Variants in DPP10 observed in about 807,000 individuals in gnomAD.
DPP10 encodes the protein dipeptidyl peptidase like 10.
Under a neutral mutation model 120.9 loss-of-function variants are expected in DPP10, and 33 were observed. The observed-to-expected ratio is 0.27, with a 90% CI of 0.21 to 0.37. The LOEUF (loss-of-function observed/expected upper bound fraction) is 0.37. DPP10 is among the 10% of genes least tolerant of loss of function. The pLI, the probability that DPP10 is intolerant of heterozygous loss-of-function variation, is 1.00. For synonymous variants in DPP10, 337 were observed against 326.1 expected (o/e 1.03, Z -0.36); for missense variants, 816 against 942.8 (o/e 0.87, Z 1.76).
chr2:115,104,506 T>C (rs369160039), intron 1 of DPP10, among the ~76,000 whole-genome samples: 35 of 152,332 alleles, frequency 2.3e-4, no homozygotes, highest in African/African-American at 7.0e-4. Flanking sequence ...GCAATCTGTC[T>C]ACAGCCTCCT....
At chr2:114,675,158 C>T (rs994909107) in intron 1 of DPP10, among the ~76,000 whole-genome samples, 3 of 152,154 alleles carry the variant, frequency 2.0e-5, no homozygotes, top group African/African-American at 7.2e-5. Flanking sequence ...ATCTCTTCCT[C>T]TTGTTAACTG....
chr2:115,228,649 T>A (rs1374790240), intron 1 of DPP10, among the ~76,000 whole-genome samples: 1 of 152,160 alleles, frequency 6.6e-6, no homozygotes, highest in African/African-American at 2.4e-5. Context: ...TGCACCACAC[T>A]TATTCCACTT....
intron 7 of DPP10, 115 bp downstream of exon 7, chr2:115,690,036 C>T (rs2091226154): frequency 7.6e-6 from 7 of 926,336 alleles, no homozygotes; most frequent in Non-Finnish European, 1.1e-5. Context: ...TTTATGTTTC[C>T]CTAAGTCCTT....
chr2:114,987,677 A>T (rs1700485126), intron 1 of DPP10, among the ~76,000 whole-genome samples: 1 of 152,166 alleles, frequency 6.6e-6, no homozygotes, highest in Non-Finnish European at 1.5e-5. Flanking sequence ...ACTTTCTTAA[A>T]GCTAAAATTA....
intron 7 of DPP10, among the ~76,000 whole-genome samples, chr2:115,699,251 A>G (rs1166347991): frequency 2.6e-5 from 4 of 152,196 alleles, no homozygotes; most frequent in Non-Finnish European, 4.4e-5. Flanking sequence ...ATAGGCTTAT[A>G]GTTAATATGG....
At chr2:114,635,698 T>C (rs1012942226) in intron 1 of DPP10, among the ~76,000 whole-genome samples, 2 of 151,950 alleles carry the variant, frequency 1.3e-5, no homozygotes, top group African/African-American at 2.4e-5. Flanking sequence ...AAAATCTTTA[T>C]ACCCTTAAAA....
chr2:115,577,416 T>C (rs1257817736), intron 5 of DPP10, among the ~76,000 whole-genome samples: 1 of 152,238 alleles, frequency 6.6e-6, no homozygotes, highest in African/African-American at 2.4e-5. Flanking sequence ...CATTTGTCGA[T>C]GGCACTGATG....
intron 1 of DPP10, among the ~76,000 whole-genome samples, chr2:114,599,706 T>C (rs371305095): frequency 3.3e-5 from 5 of 151,804 alleles, no homozygotes; most frequent in Non-Finnish European, 7.4e-5. Flanking sequence ...ACACCTTGTA[T>C]AAGTTTCACT....
intron 1 of DPP10, among the ~76,000 whole-genome samples, chr2:114,702,318 A>T (rs556949828): frequency 6.6e-6 from 1 of 151,346 alleles, no homozygotes; most frequent in African/African-American, 2.4e-5. Context: ...TTTTTTTGAC[A>T]GTTTAAGATG....
Position 115,814,881 on chromosome 2 carries a change from G to T in DPP10, c.1789G>T (p.Ala597Ser). Residue 597 changes from alanine (A) to serine (S), a missense_variant, in exon 20 of 26, where the codon GCA becomes TCA. By Grantham distance (99) the Ala-to-Ser change is moderately conservative (BLOSUM62 1). Coordinates refer to ENST00000410059, the MANE Select transcript of DPP10 (RefSeq NM_020868.6). ...VLIDMDNVIV[A>S]RFDGRGSGFQ... is the part of the protein sequence containing the mutation. Reference sequence around the variant, plus strand: ...CATTGACATGGATAATGTCATTGTAGCAAGATTTGATGGCAGAGGAAGTGG... The same window carrying T: ...CATTGACATGGATAATGTCATTGTATCAAGATTTGATGGCAGAGGAAGTGG... 1.2e-6 allele frequency: 2 copies of T among 1,611,434 alleles called. No homozygotes were observed. The highest frequency in any genetic ancestry group is 1.7e-6 in the Non-Finnish European group (2 of 1,178,146).
At chr2:115,253,797 G>A (rs577680983) in intron 1 of DPP10, among the ~76,000 whole-genome samples, 1 of 152,326 alleles carries the variant, frequency 6.6e-6, no homozygotes, top group South Asian at 2.1e-4. Flanking sequence ...AGTGCAGGAT[G>A]CAAACTGCTG....
intron 1 of DPP10, among the ~76,000 whole-genome samples, chr2:114,503,385 T>C (rs1246330102): frequency 1.3e-5 from 2 of 152,218 alleles, no homozygotes; most frequent in Admixed American, 6.5e-5. Context: ...AACCAGGGTA[T>C]ATAGTTTGGG....
Position 115,323,160 on chromosome 2 carries a change from C to CTTCT in DPP10, c.175+13810_175+13813dup, listed in dbSNP as rs540825431. 6.3e-4 allele frequency among the ~76,000 whole-genome samples: 96 copies of CTTCT among 152,332 alleles called. No homozygotes were observed. The East Asian group carries it at 0.014, about 22-fold the overall frequency. ...TGGGAGTTTCTTCTCTCAAATCCTA[C>CTTCT]TTCTTTATCAACTAAGTTTATGTAA... On this transcript the variant is annotated intron_variant, in intron 2 of 25. Transcript: ENST00000410059.
At chr2:115,221,545 A>T (rs2057159769) in intron 1 of DPP10, among the ~76,000 whole-genome samples, 1 of 152,144 alleles carries the variant, frequency 6.6e-6, no homozygotes, top group African/African-American at 2.4e-5. Context: ...AAAGCCTAAA[A>T]TATTTACTAT....
At chr2:114,747,206 C>T (rs1678657780) in intron 1 of DPP10, among the ~76,000 whole-genome samples, 2 of 152,162 alleles carry the variant, frequency 1.3e-5, no homozygotes, top group African/African-American at 2.4e-5. Context: ...GTCACACACA[C>T]AGTATTATTC....
chr2:115,144,430 C>A (rs997281801), intron 1 of DPP10: 20 of 152,082 alleles, frequency 1.3e-4, no homozygotes, highest in African/African-American at 4.8e-4. Context: ...TAAGAGTACA[C>A]AATTATTCAG....
At chr2:114,913,569 G>C (rs1177999734) in intron 1 of DPP10, among the ~76,000 whole-genome samples, 1 of 152,118 alleles carries the variant, frequency 6.6e-6, no homozygotes, top group African/African-American at 2.4e-5. Flanking sequence ...AAAGCAAAAA[G>C]CCCCATCCAA....
chr2:115,230,278 G>T (rs1270487132), intron 1 of DPP10, among the ~76,000 whole-genome samples: 1 of 151,904 alleles, frequency 6.6e-6, no homozygotes, highest in Non-Finnish European at 1.5e-5. Flanking sequence ...TTTATGTCTT[G>T]CAGCTTTACT....
rs56656256 is a variant in DPP10 at position 115,392,609 on chromosome 2, C to T, written c.271+48697C>T. 1.2e-3 allele frequency among the ~76,000 whole-genome samples: 180 copies of T among 152,128 alleles called. 4 individuals carry two copies. The East Asian group carries it at 0.022, about 19-fold the overall frequency. On this transcript the variant is annotated intron_variant, in intron 3 of 25. Coordinates refer to ENST00000410059, the MANE Select transcript of DPP10 (RefSeq NM_020868.6). ...GAATATAATTTATATAGGATATTAT[C>T]TTCACAATAATATTGGATTCAGGAC... is the stretch of plus-strand genomic sequence containing the variant.
Sources: allele counts gnomAD v4.1 joint callset (sites outside exome capture counted in the v4.1 genomes callset), GRCh38; gene constraint gnomAD v4.1.1; transcripts MANE v1.5; gene names NCBI Gene and HGNC (gene_info 2026-07-23, HGNC 2026-07-21).